KRAS: variants seen among roughly 807,000 people sequenced by gnomAD.
The protein encoded by KRAS is KRas proto-oncogene, GTPase, also known as GTPase KRas.
KRAS carries 1 observed loss-of-function variant against 21.0 expected under a neutral mutation model. That is an observed-to-expected ratio of 0.05 (90% confidence interval 0.02 to 0.23). KRAS has a LOEUF of 0.23. Among genes scored for constraint, KRAS ranks in the 10% least tolerant of loss-of-function variants. The pLI, the probability that KRAS is intolerant of heterozygous loss-of-function variation, is 1.00. For missense variants in KRAS, 107 were observed against 221.8 expected (o/e 0.48, Z 3.29); for synonymous variants, 67 against 72.5 (o/e 0.92, Z 0.39).
intron 2 of KRAS, among the ~76,000 whole-genome samples, chr12:25,242,024 GAAAAAT>G: frequency 6.6e-6 from 1 of 151,818 alleles, no homozygotes; most frequent in Non-Finnish European, 1.5e-5. Context: ...AATGAACATG[GAAAAAT>G]AAAAATAAAA....
intron 2 of KRAS, among the ~76,000 whole-genome samples, chr12:25,243,507 T>C (rs1214385656): frequency 6.6e-6 from 1 of 152,216 alleles, no homozygotes; most frequent in Non-Finnish European, 1.5e-5. Flanking sequence ...TCAACATTTA[T>C]ATTGCATTTT....
intron 2 of KRAS, among the ~76,000 whole-genome samples, chr12:25,240,231 G>A (rs191545388): frequency 6.6e-6 from 1 of 152,070 alleles, no homozygotes; most frequent in Non-Finnish European, 1.5e-5. Flanking sequence ...AAATAATAAT[G>A]GTTAAGAGAC....
intron 4 of KRAS, among the ~76,000 whole-genome samples, chr12:25,212,618 G>A (rs1389904197): frequency 6.6e-6 from 1 of 152,038 alleles, no homozygotes; most frequent in Non-Finnish European, 1.5e-5. Context: ...TGAAGGAAAT[G>A]TCACAACCTA....
At chr12:25,215,447 T>C (rs1565880628) in intron 4 of KRAS, 6 of 1,613,138 alleles carry the variant, frequency 3.7e-6, no homozygotes, top group Non-Finnish European at 5.1e-6. Flanking sequence ...CAGATTACAT[T>C]ATAATGCATT....
chr12:25,220,087 C>T (rs887714130), intron 4 of KRAS, among the ~76,000 whole-genome samples: 1 of 152,210 alleles, frequency 6.6e-6, no homozygotes, highest in African/African-American at 2.4e-5. Flanking sequence ...CTGTTATTCA[C>T]CTTACTGAAC....
At chr12:25,221,264 G>A (rs1043277116) in intron 4 of KRAS, among the ~76,000 whole-genome samples, 7 of 143,574 alleles carry the variant, frequency 4.9e-5, no homozygotes, top group Admixed American at 2.9e-4. Flanking sequence ...ACAGAGTCTC[G>A]CTCGGTCGTC....
At chr12:25,223,395 A>G (rs11047901) in intron 4 of KRAS, among the ~76,000 whole-genome samples, 74,921 of 151,970 alleles carry the variant, frequency 0.49, 19,420 homozygotes, top group East Asian at 0.8. Context: ...AGGAGACTGT[A>G]AAGACAGTAA....
chr12:25,250,590 T>G (rs1348536062), intron 1 of KRAS, among the ~76,000 whole-genome samples, 161 bp downstream of exon 1: 1 of 150,626 alleles, frequency 6.6e-6, no homozygotes, highest in Non-Finnish European at 1.5e-5. Context: ...GCCTCCCCCC[T>G]GCAGACCCCT....
chr12:25,215,474 G>T, intron 4 of KRAS: 1 of 1,610,844 alleles, frequency 6.2e-7, no homozygotes, highest in East Asian at 2.2e-5. Context: ...TTTTCACACA[G>T]CCAGGAGTCT....
At chr12:25,221,000 G>A (rs904596459) in intron 4 of KRAS, among the ~76,000 whole-genome samples, 4 of 141,356 alleles carry the variant, frequency 2.8e-5, no homozygotes, top group African/African-American at 1.1e-4. Context: ...ACTCCAGCCT[G>A]GGTGACAGAG....
chr12:25,209,664 G>A lies in KRAS; in HGVS notation c.*131C>T. On this transcript the variant is annotated 3_prime_UTR_variant, in exon 5 of 5. Coordinates refer to ENST00000311936, the MANE Select transcript of KRAS (RefSeq NM_004985.5). The stretch of plus-strand genomic sequence containing the variant: ...TGTCATTTTAAAATAAGCATTTAAG[G>A]TAAAAGCTAACAGTCTGCATGGAGC... The A allele has an allele frequency of 2.1e-6, 3 of 1,398,768 alleles. No individual in the cohort carries two copies. The highest frequency in any genetic ancestry group is 2.6e-5 in the East Asian group (1 of 38,014). The allele number at this position is 1,398,768 out of a possible 1,614,324, so 86.6% of individuals were successfully genotyped here.
At chr12:25,213,739 TTTA>T (rs1951223806) in intron 4 of KRAS, among the ~76,000 whole-genome samples, 1 of 152,208 alleles carries the variant, frequency 6.6e-6, no homozygotes, top group African/African-American at 2.4e-5. Context: ...AAACTGTAAT[TTTA>T]TTGCCTATTC....
intron 4 of KRAS, chr12:25,215,150 T>A (rs6487461): frequency 3.4e-4 from 131 of 382,240 alleles, no homozygotes; most frequent in Middle Eastern, 1.4e-3. Flanking sequence ...CCCTTAAAAA[T>A]AAAGGTAAAT....
At chr12:25,232,555 G>C (rs1951487764) in intron 2 of KRAS, among the ~76,000 whole-genome samples, 1 of 152,066 alleles carries the variant, frequency 6.6e-6, no homozygotes, top group Admixed American at 6.6e-5. Flanking sequence ...GCAAAGACAA[G>C]GATGAAGGTG....
intron 2 of KRAS, among the ~76,000 whole-genome samples, chr12:25,240,717 C>T (rs1227598419): frequency 6.6e-6 from 1 of 152,108 alleles, no homozygotes; most frequent in East Asian, 1.9e-4. Flanking sequence ...TTTTTCCTTT[C>T]ACTTAATTCC....
At chr12:25,230,986 G>A (rs1258852704) in intron 2 of KRAS, among the ~76,000 whole-genome samples, 2 of 151,978 alleles carry the variant, frequency 1.3e-5, no homozygotes, top group African/African-American at 2.4e-5. Context: ...AGCAGGAGGT[G>A]GGAGCAAAGC....
intron 1 of KRAS, among the ~76,000 whole-genome samples, chr12:25,249,220 C>A (rs192749931): frequency 2.0e-5 from 3 of 151,992 alleles, no homozygotes; most frequent in Admixed American, 2.0e-4. Flanking sequence ...CATGGTGAAA[C>A]CCCCGTCTCT....
chr12:25,238,072 T>G (rs1951565408), intron 2 of KRAS, among the ~76,000 whole-genome samples: 1 of 152,184 alleles, frequency 6.6e-6, no homozygotes, highest in African/African-American at 2.4e-5. Context: ...AATTAAAAAC[T>G]AAGACATTCA....
chr12:25,220,721 C>CAA (rs35976713), intron 4 of KRAS, among the ~76,000 whole-genome samples: 159 of 135,754 alleles, frequency 1.2e-3, no homozygotes, highest in Admixed American at 2.1e-3. Context: ...GAGACCGTCT[C>CAA]AAAAAAAAAA....
Sources: allele counts gnomAD v4.1 joint callset (sites outside exome capture counted in the v4.1 genomes callset), GRCh38; gene constraint gnomAD v4.1.1; transcripts MANE v1.5; gene names NCBI Gene and HGNC (gene_info 2026-07-23, HGNC 2026-07-21).